The following LYST variants were observed in gnomAD, a reference collection of about 807,000 sequenced individuals.
LYST encodes the protein lysosomal-trafficking regulator.
LYST carries 192 observed loss-of-function variants against 413.6 expected under a neutral mutation model. The observed-to-expected ratio is 0.46, with a 90% confidence interval of 0.41 to 0.52. The LOEUF is 0.52. Among genes scored for constraint, LYST ranks in the 20% least tolerant of loss-of-function variants. The pLI is 0.00. For missense variants in LYST, 3,815 were observed against 4,499.9 expected, an observed-to-expected ratio of 0.85 and a Z score of 4.35; for synonymous variants, 1,525 against 1,567.3, an observed-to-expected ratio of 0.97 and a Z score of 0.64.
At chr1:235,779,545 C>T (rs1042075013) in intron 16 of LYST, among the ~76,000 whole-genome samples, 1 of 152,172 alleles carries the variant, frequency 6.6e-6, no homozygotes, top group African/African-American at 2.4e-5. Context: ...CACTTCAGAC[C>T]TACTGAATCA....
At chr1:235,849,193 G>A (rs1678237586) in intron 1 of LYST, among the ~76,000 whole-genome samples, 1 of 152,032 alleles carries the variant, frequency 6.6e-6, no homozygotes, top group Non-Finnish European at 1.5e-5. Flanking sequence ...TTCATACCAG[G>A]GATGCAGGGA....
chr1:235,835,168 C>T (rs1453817445), intron 1 of LYST, among the ~76,000 whole-genome samples: 5 of 152,018 alleles, frequency 3.3e-5, no homozygotes, highest in African/African-American at 4.8e-5. Context: ...CCACCCGCCT[C>T]GGCCTCCCAA....
At chr1:235,685,563 C>T (rs1435636645) in intron 48 of LYST, among the ~76,000 whole-genome samples, 1 of 152,006 alleles carries the variant, frequency 6.6e-6, no homozygotes, top group Non-Finnish European at 1.5e-5. Context: ...AAGTAAGAAC[C>T]TGGCTGGGCA....
intron 16 of LYST, among the ~76,000 whole-genome samples, chr1:235,779,612 C>T (rs1669649682): frequency 6.6e-6 from 1 of 152,164 alleles, no homozygotes; most frequent in African/African-American, 2.4e-5. Flanking sequence ...TTCTGGTGCA[C>T]ACTCAGGTTT....
At chr1:235,819,629 C>T (rs187730676) in intron 3 of LYST, among the ~76,000 whole-genome samples, 1 of 152,082 alleles carries the variant, frequency 6.6e-6, no homozygotes, top group Non-Finnish European at 1.5e-5. Context: ...CAATAACATA[C>T]CACTCTTATT....
At chr1:235,862,234 AT>A (rs1232726030) in intron 1 of LYST, among the ~76,000 whole-genome samples, 1 of 152,110 alleles carries the variant, frequency 6.6e-6, no homozygotes, top group Non-Finnish European at 1.5e-5. Flanking sequence ...TAAATGACCA[AT>A]TTGCTTTTTC....
chr1:235,817,995 G>A (rs1319968017), intron 3 of LYST, among the ~76,000 whole-genome samples: 1 of 152,086 alleles, frequency 6.6e-6, no homozygotes, highest in East Asian at 1.9e-4. Flanking sequence ...TATTTTCTGT[G>A]ATGATTTTTT....
chr1:235,684,166 C>T lies in LYST; in HGVS notation c.10800+2783G>A, dbSNP rs1270113184. 2.6e-5 allele frequency among the ~76,000 whole-genome samples: 4 copies of T among 152,114 alleles called. No homozygotes were observed. In the South Asian group the frequency reaches 8.3e-4, roughly 31 times the overall value. On this transcript the variant is annotated intron_variant, in intron 48 of 52. Transcript: ENST00000389793. ...TCTTGCAGTATTTAAATTGTAATAG[C>T]TATGCTCTTGATCTGCTTCCTCAAA...
In LYST at chr1:235,712,172, T is replaced by C; in HGVS notation, c.9810A>G (p.Arg3270=). ...AAGTTGTATTTGTAGAATGAAAAGTTCTGTCTGGAATGTCAAAACTTTGAT... is the reference window on the plus strand; with the variant it reads ...AAGTTGTATTTGTAGAATGAAAAGTCCTGTCTGGAATGTCAAAACTTTGAT... The part of the protein sequence containing the change: ...YQDQSFDIPD[R]TFHSTNTTWR... Residue 3270 remains arginine, a synonymous_variant, in exon 43 of 53, where the codon AGA becomes AGG. Coordinates refer to ENST00000389793, the MANE Select transcript of LYST (RefSeq NM_000081.4). The C allele has an allele frequency of 6.3e-7, 1 of 1,585,344 alleles. No homozygotes were observed.
In LYST at chr1:235,808,571, A is replaced by G. The variant is rs1442480948; in HGVS notation, c.2247T>C (p.Cys749=). Residue 749 remains cysteine (C), a synonymous_variant, in exon 5 of 53, where the codon TGT becomes TGC. Coordinates refer to ENST00000389793, the MANE Select transcript of LYST (RefSeq NM_000081.4). ...GAGCTGAAGTAACGCTTAGGTGTTG[A>G]CAATGATGTGCTAATTCAACTCCTC... ...LQRGVELAHH[C]QHLSVTSAQS... is the part of the protein sequence containing the mutation. 1 of 1,613,968 alleles carries G rather than the reference A, an allele frequency of 6.2e-7. No individual in the cohort carries two copies. The highest frequency in any genetic ancestry group is 8.5e-7 in the Non-Finnish European group (1 of 1,179,982).
intron 10 of LYST, among the ~76,000 whole-genome samples, chr1:235,796,917 C>T (rs2102793312): frequency 6.6e-6 from 1 of 152,198 alleles, no homozygotes; most frequent in Non-Finnish European, 1.5e-5. Flanking sequence ...CAAATCAAAA[C>T]CACAATGAGA....
At chr1:235,757,233 A>T in intron 24 of LYST, 48 bp downstream of exon 24, 2 of 1,287,030 alleles carry the variant, frequency 1.6e-6, no homozygotes, top group South Asian at 2.7e-5. Context: ...AATTACATAT[A>T]TATTTATTTT....
In LYST at chr1:235,716,693, G is replaced by A. The variant is rs753064622; in HGVS notation, c.9627+19C>T. The A allele has an allele frequency of 6.4e-5, 95 of 1,488,602 alleles. No individual in the cohort carries two copies. The highest frequency in any genetic ancestry group is 3.7e-5 in the Non-Finnish European group (40 of 1,069,138). The allele number at this position is 1,488,602 out of a possible 1,614,324, so 92.2% of individuals were successfully genotyped here. ...CACAATTTTTCATTTAATAAAGTAC[G>A]AGTAAAAACAAAAGCTACCTTGTAT... On this transcript the variant is annotated intron_variant, in intron 41 of 52. Transcript: ENST00000389793.
chr1:235,761,914 C>A (rs776648950), intron 22 of LYST, among the ~76,000 whole-genome samples: 5 of 139,060 alleles, frequency 3.6e-5, no homozygotes, highest in South Asian at 2.3e-4. Context: ...CAGAAAGATT[C>A]TGTTCAAATG....
chr1:235,733,641 G>A lies in LYST; in HGVS notation c.8663C>T (p.Ala2888Val). 1.9e-6 allele frequency: 3 copies of A among 1,613,516 alleles called. No individual in the cohort carries two copies. Among genetic ancestry groups the A allele is most frequent in the Non-Finnish European group, 1.7e-6 (2 of 1,179,608 alleles). ...GAGAGACACTGCCTGGGTGATATCT[G>A]CAGCTATTTTAGATATATCCTTTGA... Reference protein sequence around the residue: ...SKSKDISKIAADITQAVSLSQ... With the variant: ...SKSKDISKIAVDITQAVSLSQ... The change falls in exon 34 of 53, where the codon GCA becomes GTA. Residue 2888 changes from alanine to valine, a missense_variant. Transcript: ENST00000389793.
chr1:235,673,946 C>T (rs1659171922), intron 50 of LYST, among the ~76,000 whole-genome samples: 1 of 152,164 alleles, frequency 6.6e-6, no homozygotes, highest in African/African-American at 2.4e-5. Context: ...TTGCAACAGG[C>T]AGAGCAGAGA....
intron 19 of LYST, among the ~76,000 whole-genome samples, chr1:235,770,751 T>A (rs980426110): frequency 2.0e-5 from 3 of 152,198 alleles, no homozygotes; most frequent in Non-Finnish European, 4.4e-5. Flanking sequence ...TCATGGATAA[T>A]GTGAAAATTC....
intron 50 of LYST, among the ~76,000 whole-genome samples, chr1:235,669,784 C>G (rs766859899): frequency 8.5e-5 from 13 of 152,168 alleles, no homozygotes; most frequent in Non-Finnish European, 1.8e-4. Flanking sequence ...TAAATTCCTG[C>G]TTTTGTTCTT....
rs186152859 is a variant in LYST, at chr1:235,759,135, G to A, written c.6718C>T (p.His2240Tyr). The A allele has an allele frequency of 7.4e-6, 12 of 1,614,200 alleles. No homozygotes were observed. In the African/African-American group the frequency reaches 1.1e-4, roughly 14 times the overall value. The change falls in exon 23 of 53, where the codon CAC becomes TAC. Residue 2240 changes from histidine (H) to tyrosine (Y), a missense_variant. Around this residue, in one of 4 missense-constraint regions of LYST, gnomAD observed 771 missense variants for 837.1 expected, o/e 0.92. Transcript: ENST00000389793. ...LKGLASFQRS[H>Y]STIASLGLAF... is the part of the protein sequence containing the mutation. ...AGCCCAAGGCTTGCAATAGTGCTGT[G>A]GCTTCGCTGGAAGGAGGCCAATCCC... is the stretch of plus-strand genomic sequence containing the variant.
Sources: allele counts gnomAD v4.1 joint callset (sites outside exome capture counted in the v4.1 genomes callset), GRCh38; gene constraint gnomAD v4.1.1; regional missense constraint gnomAD v4.1.1; transcripts MANE v1.5; gene names NCBI Gene and HGNC (gene_info 2026-07-23, HGNC 2026-07-21).